LYPLA1: variants seen among roughly 807,000 people sequenced by gnomAD.
LYPLA1 encodes acyl-protein thioesterase 1.
A neutral mutation model predicts 34.0 loss-of-function variants in LYPLA1; 17 were observed. That is an observed-to-expected ratio of 0.50 (90% CI 0.34 to 0.75). The LOEUF (loss-of-function observed/expected upper bound fraction) is 0.75, where lower values mean the gene tolerates loss of function less well. LYPLA1 is among the 30% of genes least tolerant of loss of function. The pLI is 0.01. For synonymous variants in LYPLA1, 98 were observed against 100.8 expected (o/e 0.97, Z 0.17); for missense variants, 203 against 288.8 (o/e 0.70, Z 2.15).
chr8:54,068,720 A>G (rs1316729611), intron 2 of LYPLA1, among the ~76,000 whole-genome samples: 1 of 150,400 alleles, frequency 6.6e-6, no homozygotes, highest in Middle Eastern at 3.2e-3. Context: ...AGATAAAACT[A>G]TAAAACTAGA....
intron 1 of LYPLA1, 92 bp from the exon 2 acceptor site, chr8:54,101,031 C>A: frequency 9.4e-7 from 1 of 1,058,734 alleles, no homozygotes; most frequent in Non-Finnish European, 1.4e-6. Flanking sequence ...GAAAACGGAA[C>A]GAAACCTACG....
At chr8:54,052,505 G>T in intron 7 of LYPLA1, 150 bp downstream of exon 7, 1 of 589,540 alleles carries the variant, frequency 1.7e-6, no homozygotes, top group Non-Finnish European at 3.0e-6. Flanking sequence ...TAGTAACTCT[G>T]TACCTTCTGC....
intron 2 of LYPLA1, among the ~76,000 whole-genome samples, chr8:54,083,552 T>C (rs1285051000): frequency 1.3e-5 from 2 of 152,180 alleles, no homozygotes; most frequent in Non-Finnish European, 2.9e-5. Context: ...AGAGTCAACA[T>C]TTTAGGCTTT....
chr8:54,065,295 TA>T (rs759408644), intron 3 of LYPLA1, among the ~76,000 whole-genome samples: 36 of 151,954 alleles, frequency 2.4e-4, no homozygotes, highest in Non-Finnish European at 4.0e-4. Context: ...CTGCCTCTAC[TA>T]AACATACAAA....
intron 2 of LYPLA1, among the ~76,000 whole-genome samples, chr8:54,090,154 G>T (rs148930312): frequency 2.0e-5 from 3 of 152,178 alleles, no homozygotes; most frequent in Non-Finnish European, 4.4e-5. Flanking sequence ...ATAAACGGAC[G>T]CATTGGGGGC....
intron 2 of LYPLA1, among the ~76,000 whole-genome samples, chr8:54,066,945 G>A (rs1005886404): frequency 6.6e-5 from 10 of 152,212 alleles, no homozygotes; most frequent in South Asian, 6.2e-4. Context: ...TGAAGCATGC[G>A]GATCACTTGA....
At chr8:54,076,508 G>A (rs1010228181) in intron 2 of LYPLA1, among the ~76,000 whole-genome samples, 10 of 150,012 alleles carry the variant, frequency 6.7e-5, no homozygotes, top group Non-Finnish European at 1.0e-4. Context: ...AATCAAAGAA[G>A]GGAGACATGT....
At chr8:54,053,777 G>C in intron 6 of LYPLA1, 1 of 455,556 alleles carries the variant, frequency 2.2e-6, no homozygotes, top group Non-Finnish European at 4.4e-6. Flanking sequence ...AACAAGAGAT[G>C]AGAGATGGTG....
At chr8:54,071,642 C>T (rs1328494968) in intron 2 of LYPLA1, among the ~76,000 whole-genome samples, 1 of 151,862 alleles carries the variant, frequency 6.6e-6, no homozygotes, top group Non-Finnish European at 1.5e-5. Context: ...ACAATTGCCA[C>T]AAAAAGAATA....
chr8:54,097,468 T>C (rs1195097153), intron 2 of LYPLA1, among the ~76,000 whole-genome samples: 1 of 152,206 alleles, frequency 6.6e-6, no homozygotes, highest in Non-Finnish European at 1.5e-5. Context: ...CTAAATATAA[T>C]GTATGACTAG....
intron 2 of LYPLA1, among the ~76,000 whole-genome samples, chr8:54,083,612 T>C (rs73681308): frequency 0.13 from 19,773 of 152,170 alleles, 3,407 homozygotes; most frequent in African/African-American, 0.4. Flanking sequence ...CACTCTAGGA[T>C]GAAAATTAAC....
In LYPLA1 at chr8:54,052,748, A is replaced by G. The variant is rs1180645137; in HGVS notation, c.369T>C (p.Ala123=). ...IILGGFSQGG[A]LSLYTALTTQ... Reference sequence around the variant, plus strand: ...TGGTAAGGGCAGTATATAAAGATAAAGCTCCTCCCTGAAAAGACAAGCAGG... The same window carrying G: ...TGGTAAGGGCAGTATATAAAGATAAGGCTCCTCCCTGAAAAGACAAGCAGG... The change falls in exon 7 of 9, where the codon GCT becomes GCC. Residue 123 remains alanine, a synonymous_variant. Transcript: ENST00000316963. 2 of 1,607,678 alleles carry G rather than the reference A, an allele frequency of 1.2e-6. No individual in the cohort carries two copies. Among genetic ancestry groups the G allele is most frequent in the Non-Finnish European group, 1.7e-6 (2 of 1,174,626 alleles).
chr8:54,099,233 G>A (rs575194919), intron 2 of LYPLA1, among the ~76,000 whole-genome samples: 1 of 151,968 alleles, frequency 6.6e-6, no homozygotes, highest in East Asian at 1.9e-4. Flanking sequence ...AGAAAGGTTT[G>A]GCCATAAAAT....
Position 54,095,525 on chromosome 8 carries a change from A to T in LYPLA1, c.101+5383T>A, listed in dbSNP as rs142663348. ...ACATATTCAATATTTTAAATATTTC[A>T]TATGTTATATTTATTATTTTAATGT... On this transcript the variant is annotated intron_variant, in intron 2 of 8. Coordinates refer to ENST00000316963, the MANE Select transcript of LYPLA1 (RefSeq NM_006330.4). Among the ~76,000 whole-genome samples the T allele has an allele frequency of 6.8e-3, 1,038 of 152,148 alleles. 22 individuals are homozygous for T. Among genetic ancestry groups the T allele is most frequent in the Non-Finnish European group, 5.9e-3 (401 of 68,012 alleles).
chr8:54,083,280 A>G (rs1476270102), intron 2 of LYPLA1, among the ~76,000 whole-genome samples: 1 of 152,126 alleles, frequency 6.6e-6, no homozygotes, highest in Non-Finnish European at 1.5e-5. Flanking sequence ...GCCCATAAGA[A>G]CCCACAGAAA....
intron 2 of LYPLA1, among the ~76,000 whole-genome samples, chr8:54,085,209 A>G (rs1326206162): frequency 1.3e-5 from 2 of 152,218 alleles, no homozygotes; most frequent in Admixed American, 1.3e-4. Context: ...GCTGGTCTCC[A>G]GCTCCTGACC....
At chr8:54,101,703 C>T in intron 1 of LYPLA1, 52 bp downstream of exon 1, 1 of 1,252,338 alleles carries the variant, frequency 8.0e-7, no homozygotes, top group Non-Finnish European at 1.0e-6. Context: ...GAGGGGCAAC[C>T]ACCGGTGGCC....
At chr8:54,067,533 A>T (rs1807155177) in intron 2 of LYPLA1, among the ~76,000 whole-genome samples, 2 of 152,190 alleles carry the variant, frequency 1.3e-5, no homozygotes, top group Admixed American at 1.3e-4. Context: ...ATTAAGGAAT[A>T]GATGCACATT....
intron 2 of LYPLA1, among the ~76,000 whole-genome samples, chr8:54,084,141 A>AATACATATATATATAT (rs1554547934): frequency 8.4e-6 from 1 of 118,676 alleles, no homozygotes; most frequent in African/African-American, 4.6e-5. Flanking sequence ...AAAATAAATA[A>AATACATATATATATAT]ATATATATAT....
Sources: gnomAD v4.1 joint callset for allele counts (sites outside exome capture counted in the v4.1 genomes callset) on GRCh38, gnomAD v4.1.1 for gene constraint, MANE v1.5 for transcripts, NCBI Gene and HGNC (gene_info 2026-07-23, HGNC 2026-07-21) for gene names.